The following PDE4D variants were observed in gnomAD, a reference collection of about 807,000 sequenced individuals.
The protein encoded by PDE4D is phosphodiesterase 4D.
Under a neutral mutation model 87.4 loss-of-function variants are expected in PDE4D, and 24 were observed. That is an observed-to-expected ratio of 0.27 (90% confidence interval 0.20 to 0.39). PDE4D has a LOEUF of 0.39. Among genes scored for constraint, PDE4D ranks in the 10% least tolerant of loss-of-function variants. The pLI is 1.00. For synonymous variants in PDE4D, 384 were observed against 383.2 expected, an observed-to-expected ratio of 1.00 and a Z score of -0.02; for missense variants, 714 against 1,041.0, an observed-to-expected ratio of 0.69 and a Z score of 4.32.
At chr5:59,010,715 C>G (rs1181418687) in intron 6 of PDE4D, among the ~76,000 whole-genome samples, 1 of 152,098 alleles carries the variant, frequency 6.6e-6, no homozygotes, top group Non-Finnish European at 1.5e-5. Flanking sequence ...AGGAACAGCT[C>G]CAGTCTACTG....
chr5:60,383,498 T>G (rs1379429614), intron 1 of PDE4D, among the ~76,000 whole-genome samples: 5 of 152,184 alleles, frequency 3.3e-5, no homozygotes, highest in Admixed American at 2.6e-4. Flanking sequence ...AATCAGCTAC[T>G]TCCAAGCAAA....
intron 3 of PDE4D, among the ~76,000 whole-genome samples, chr5:59,971,846 AAAC>A (rs1196156630): frequency 6.6e-6 from 1 of 152,188 alleles, no homozygotes; most frequent in Non-Finnish European, 1.5e-5. Context: ...TGTGATTTGC[AAAC>A]AATAGAAATG....
chr5:60,049,385 C>G (rs575266216), intron 2 of PDE4D, among the ~76,000 whole-genome samples: 32 of 152,212 alleles, frequency 2.1e-4, no homozygotes, highest in Non-Finnish European at 3.8e-4. Context: ...CATTCTCCAT[C>G]CAGCTCTGTT....
intron 1 of PDE4D, among the ~76,000 whole-genome samples, chr5:60,382,273 T>C (rs1002853061): frequency 6.6e-6 from 1 of 152,172 alleles, no homozygotes; most frequent in Non-Finnish European, 1.5e-5. Flanking sequence ...ACTTCATGTA[T>C]CTATGTGGCT....
chr5:59,093,705 G>A (rs1371948167), intron 5 of PDE4D, among the ~76,000 whole-genome samples: 1 of 152,186 alleles, frequency 6.6e-6, no homozygotes, highest in African/African-American at 2.4e-5. Flanking sequence ...TTTGTTTTGT[G>A]TGTGTGTGCA....
At chr5:59,501,189 T>C (rs1434932646) in intron 1 of PDE4D, among the ~76,000 whole-genome samples, 1 of 152,224 alleles carries the variant, frequency 6.6e-6, no homozygotes, top group East Asian at 1.9e-4. Context: ...CATTACAATT[T>C]ATCATGTAGT....
chr5:59,120,593 T>A (rs888716774), intron 5 of PDE4D, among the ~76,000 whole-genome samples: 1 of 151,766 alleles, frequency 6.6e-6, no homozygotes, highest in East Asian at 1.9e-4. Flanking sequence ...AAAAAAAAAA[T>A]TATTGTACTG....
intron 1 of PDE4D, among the ~76,000 whole-genome samples, chr5:60,407,641 T>C (rs1741670885): frequency 6.6e-6 from 1 of 151,306 alleles, no homozygotes; most frequent in Non-Finnish European, 1.5e-5. Context: ...TTAGTAGAGA[T>C]GGGGTTTCAC....
intron 1 of PDE4D, among the ~76,000 whole-genome samples, chr5:59,797,354 A>C (rs1766606645): frequency 6.6e-6 from 1 of 152,228 alleles, no homozygotes. Flanking sequence ...GATCTCAGGA[A>C]GCAGTTCACA....
At chr5:59,107,353 C>T (rs1366891854) in intron 5 of PDE4D, among the ~76,000 whole-genome samples, 1 of 152,158 alleles carries the variant, frequency 6.6e-6, no homozygotes, top group Non-Finnish European at 1.5e-5. Flanking sequence ...AGATTACAGG[C>T]ATTCACCACC....
chr5:59,263,347 A>G lies in PDE4D; in HGVS notation c.456-47379T>C, dbSNP rs191120277. Among the ~76,000 whole-genome samples, 146 of 151,960 alleles carry G rather than the reference A, an allele frequency of 9.6e-4. 1 individual carries two copies. The highest frequency in any genetic ancestry group is 3.2e-4 in the Non-Finnish European group (22 of 67,876). ...CGTGAGACAGAAGACAATAATTGTA[A>G]TCCTTCAAGAGTTAGAGAAATGTAC... On this transcript the variant is annotated intron_variant, in intron 1 of 14. Coordinates refer to ENST00000340635, the MANE Select transcript of PDE4D (RefSeq NM_001104631.2).
At chr5:59,540,128 C>T (rs1242809200) in intron 1 of PDE4D, among the ~76,000 whole-genome samples, 1 of 152,126 alleles carries the variant, frequency 6.6e-6, no homozygotes, top group Non-Finnish European at 1.5e-5. Flanking sequence ...TTGATGCTAA[C>T]CTGGGGAACA....
intron 1 of PDE4D, among the ~76,000 whole-genome samples, chr5:59,788,677 T>C (rs1438311274): frequency 1.3e-5 from 2 of 152,256 alleles, no homozygotes; most frequent in African/African-American, 2.4e-5. Context: ...GATGTGTTCC[T>C]GTGGGACACA....
At chr5:59,400,854 T>C (rs1362412346) in intron 1 of PDE4D, among the ~76,000 whole-genome samples, 1 of 152,196 alleles carries the variant, frequency 6.6e-6, no homozygotes, top group Non-Finnish European at 1.5e-5. Context: ...CCAACAAAAA[T>C]AATAGCTAAC....
chr5:60,309,935 G>A (rs1303323743), intron 1 of PDE4D, among the ~76,000 whole-genome samples: 1 of 152,172 alleles, frequency 6.6e-6, no homozygotes, highest in African/African-American at 2.4e-5. Flanking sequence ...AATCCTTGGT[G>A]TTTTATTTAA....
At position 60,263,162 on chromosome 5, in the gene PDE4D, A is replaced by G. The variant is rs1038253800; in HGVS notation, c.-89-77475T>C. Among the ~76,000 whole-genome samples the G allele has an allele frequency of 2.6e-5, 4 of 152,302 alleles. No homozygotes were observed. In the East Asian group the frequency reaches 7.7e-4, roughly 29 times the overall value. On this transcript the variant is annotated intron_variant, in intron 1 of 16. Coordinates refer to the PDE4D transcript ENST00000502484. ...CCAATGGAGCCGCAAAGCCTCTGTT[A>G]ATGAGGCTTAGGACCAATCATCCCA...
intron 1 of PDE4D, among the ~76,000 whole-genome samples, chr5:59,658,385 A>ATT (rs1326490516): frequency 1.4e-4 from 21 of 145,986 alleles, no homozygotes; most frequent in African/African-American, 3.7e-4. Context: ...GGAGAGCCAG[A>ATT]TTTTTTTTTT....
chr5:58,978,393 G>C (rs1744308146), intron 11 of PDE4D, among the ~76,000 whole-genome samples: 2 of 151,994 alleles, frequency 1.3e-5, no homozygotes, highest in Admixed American at 1.3e-4. Flanking sequence ...TCCAAACTAG[G>C]CAACAGAGCA....
chr5:59,664,509 A>G (rs1345253256), intron 1 of PDE4D, among the ~76,000 whole-genome samples: 2 of 152,244 alleles, frequency 1.3e-5, no homozygotes, highest in Admixed American at 6.5e-5. Flanking sequence ...CCTTGCTTGT[A>G]GAAAATTTAG....
Sources: allele counts gnomAD v4.1 joint callset (sites outside exome capture counted in the v4.1 genomes callset), GRCh38; gene constraint gnomAD v4.1.1; transcripts MANE v1.5; gene names NCBI Gene and HGNC (gene_info 2026-07-23, HGNC 2026-07-21).